Variants in LIN54 observed in about 807,000 individuals in gnomAD.
LIN54 encodes the protein lin-54 DREAM MuvB core complex component.
Under a neutral mutation model 78.7 loss-of-function variants are expected in LIN54, and 9 were observed. The observed-to-expected ratio is 0.11, with a 90% confidence interval of 0.07 to 0.20. The LOEUF (loss-of-function observed/expected upper bound fraction) is 0.20. LIN54 is among the 10% of genes least tolerant of loss of function. LIN54 has a pLI of 1.00. For missense variants in LIN54, 573 were observed against 889.9 expected (o/e 0.64, Z 4.53); for synonymous variants, 269 against 318.4 (o/e 0.84, Z 1.65).
At chr4:83,001,936 AAGG>A (rs1392752237) in intron 1 of LIN54, among the ~76,000 whole-genome samples, 237 of 5,892 alleles carry the variant, frequency 0.04, 75 homozygotes, top group Non-Finnish European at 0.13. Flanking sequence ...GGAGGGAAGG[AAGG>A]AAGGAAGGAA....
chr4:82,955,904 A>G (rs1416234577), intron 4 of LIN54, among the ~76,000 whole-genome samples: 1 of 152,250 alleles, frequency 6.6e-6, no homozygotes. Flanking sequence ...AGGCAAGTTG[A>G]TAATTCCAAA....
intron 1 of LIN54, among the ~76,000 whole-genome samples, chr4:83,001,847 CAAA>C (rs150165095): frequency 2.8e-5 from 1 of 35,528 alleles, no homozygotes; most frequent in African/African-American, 2.2e-4. Context: ...GACTCTGTCT[CAAA>C]AAAAAAAAAA....
At chr4:83,006,097 TAA>T in intron 1 of LIN54, among the ~76,000 whole-genome samples, 1 of 147,896 alleles carries the variant, frequency 6.8e-6, no homozygotes, top group African/African-American at 2.4e-5. Context: ...CTTATGAACA[TAA>T]AGATGGCAAC....
chr4:82,945,655 G>A (rs538538739), intron 5 of LIN54, among the ~76,000 whole-genome samples: 92 of 151,976 alleles, frequency 6.1e-4, no homozygotes, highest in Middle Eastern at 3.4e-3. Flanking sequence ...CACCACACCC[G>A]GCTAATTTTT....
At chr4:82,983,142 G>A (rs1726817149) in intron 2 of LIN54, among the ~76,000 whole-genome samples, 1 of 151,816 alleles carries the variant, frequency 6.6e-6, no homozygotes, top group South Asian at 2.1e-4. Flanking sequence ...TGAGTAGCTG[G>A]GATTATAGGC....
chr4:82,979,839 A>C (rs1726473393), intron 2 of LIN54, among the ~76,000 whole-genome samples: 1 of 147,106 alleles, frequency 6.8e-6, no homozygotes, highest in Non-Finnish European at 1.5e-5. Flanking sequence ...CGGGAGGCTG[A>C]GGCAGGAGAA....
At chr4:82,991,697 A>G (rs1319908374) in intron 1 of LIN54, among the ~76,000 whole-genome samples, 1 of 152,214 alleles carries the variant, frequency 6.6e-6, no homozygotes, top group Non-Finnish European at 1.5e-5. Flanking sequence ...TTAAAAAATC[A>G]TAAAAGGATG....
At chr4:83,012,449 T>C (rs1729910775), upstream of LIN54, among the ~76,000 whole-genome samples, 1 of 152,042 alleles carries the variant, frequency 6.6e-6, no homozygotes, top group African/African-American at 2.4e-5. Flanking sequence ...GGTGGCTTGT[T>C]GGGTCGCGCA....
chr4:82,934,333 G>C (rs1722212301), intron 11 of LIN54, among the ~76,000 whole-genome samples: 4 of 152,184 alleles, frequency 2.6e-5, no homozygotes, highest in Non-Finnish European at 5.9e-5. Context: ...TTGAACCCAG[G>C]AGACGGATAT....
At chr4:83,005,768 A>G (rs10009824) in intron 1 of LIN54, among the ~76,000 whole-genome samples, 1 of 152,028 alleles carries the variant, frequency 6.6e-6, no homozygotes, top group African/African-American at 2.4e-5. Context: ...TGACCCAGCA[A>G]TCACATTACT....
intron 1 of LIN54, among the ~76,000 whole-genome samples, chr4:82,998,908 G>A (rs1728493178): frequency 6.6e-6 from 1 of 152,100 alleles, no homozygotes; most frequent in Admixed American, 6.6e-5. Context: ...AAGTTACAAT[G>A]TATAAAAACT....
In LIN54 at chr4:82,946,433, C is replaced by T. The variant is rs750481990; in HGVS notation, c.993G>A (p.Val331=). 7.4e-6 allele frequency: 12 copies of T among 1,614,082 alleles called. No homozygotes were observed. In the South Asian group the frequency reaches 1.3e-4, roughly 18 times the overall value. Residue 331 remains valine (V), a synonymous_variant, in exon 5 of 13, where the codon GTG becomes GTA. Coordinates refer to ENST00000340417, the MANE Select transcript of LIN54 (RefSeq NM_194282.4). ...TAATTGTCTTAAACTGTGATGTGCTCACTCCTCCAACAGTGATGGTCTGCA... is the reference window on the plus strand; with the variant it reads ...TAATTGTCTTAAACTGTGATGTGCTTACTCCTCCAACAGTGATGGTCTGCA... ...STVQTITVGG[V]STSQFKTIIP... is the part of the protein sequence containing the mutation.
intron 1 of LIN54, among the ~76,000 whole-genome samples, chr4:83,004,049 A>G: frequency 6.6e-6 from 1 of 152,222 alleles, no homozygotes; most frequent in East Asian, 1.9e-4. Context: ...AAAGACTTGC[A>G]GCATTCAAAC....
At chr4:82,967,457 T>A (rs1725298553) in intron 4 of LIN54, among the ~76,000 whole-genome samples, 1 of 152,158 alleles carries the variant, frequency 6.6e-6, no homozygotes, top group Non-Finnish European at 1.5e-5. Flanking sequence ...GGACAGCAGT[T>A]AGGCAAGCTG....
intron 1 of LIN54, among the ~76,000 whole-genome samples, chr4:82,990,544 C>T (rs1024461686): frequency 1.3e-4 from 19 of 151,768 alleles, no homozygotes; most frequent in Non-Finnish European, 2.4e-4. Context: ...AGTGCAGTGG[C>T]GCGATCTCGG....
In LIN54 at chr4:82,926,736, A is replaced by T. The variant is rs1404907429; in HGVS notation, c.*1366T>A. ...CAAATCACTGGCTGAAAATAATGCC[A>T]TATTAAACTTCCCTTATAAAAAGAA... is the stretch of plus-strand genomic sequence containing the variant. On this transcript the variant is annotated 3_prime_UTR_variant, in exon 13 of 13. Coordinates refer to ENST00000340417, the MANE Select transcript of LIN54 (RefSeq NM_194282.4). 1 of 152,224 alleles carries T rather than the reference A, an allele frequency of 6.6e-6. No homozygotes were observed. Among genetic ancestry groups the T allele is most frequent in the East Asian group, 1.9e-4 (1 of 5,206 alleles). 9.4% of individuals were successfully genotyped at this position (152,224 alleles called of 1,614,324 possible). A position where few individuals can be genotyped will look rare whatever the true frequency, so the allele number is the denominator to read the frequency against.
At chr4:82,937,382 T>A (rs1317252707) in intron 8 of LIN54, 84 bp from the exon 9 acceptor site, 6 of 849,400 alleles carry the variant, frequency 7.1e-6, no homozygotes, top group Admixed American at 2.8e-5. Flanking sequence ...ATTTAAAATT[T>A]AAAAAATTAG....
At chr4:82,977,105 G>A (rs555319234) in intron 3 of LIN54, among the ~76,000 whole-genome samples, 1 of 152,012 alleles carries the variant, frequency 6.6e-6, no homozygotes, top group Non-Finnish European at 1.5e-5. Context: ...ACACTTCCGC[G>A]AACACCACAA....
At chr4:83,000,128 A>G (rs1014341866) in intron 1 of LIN54, among the ~76,000 whole-genome samples, 2 of 152,146 alleles carry the variant, frequency 1.3e-5, no homozygotes, top group South Asian at 2.1e-4. Context: ...TCCTGGGCTC[A>G]AGTGATCCTC....
Sources: gnomAD v4.1 joint callset for allele counts (sites outside exome capture counted in the v4.1 genomes callset) on GRCh38, gnomAD v4.1.1 for gene constraint, MANE v1.5 for transcripts, NCBI Gene and HGNC (gene_info 2026-07-23, HGNC 2026-07-21) for gene names.